Variants in GAK observed in about 807,000 individuals in gnomAD.
GAK encodes the protein cyclin-G-associated kinase.
A neutral mutation model predicts 143.9 loss-of-function variants in GAK; 79 were observed. That is an observed-to-expected ratio of 0.55 (90% confidence interval 0.46 to 0.66). GAK has a LOEUF of 0.66. Among genes scored for constraint, GAK ranks in the 30% least tolerant of loss-of-function variants. The probability of loss-of-function intolerance (pLI) is 0.00; values close to 1 mark genes in which losing one functional copy is unlikely to be tolerated. For missense variants in GAK, 1,693 were observed against 1,779.7 expected, an observed-to-expected ratio of 0.95 and a Z score of 0.88; for synonymous variants, 881 against 765.5, an observed-to-expected ratio of 1.15 and a Z score of -2.49.
At chr4:929,422 G>C (rs1238113656) in intron 1 of GAK, among the ~76,000 whole-genome samples, 1 of 152,132 alleles carries the variant, frequency 6.6e-6, no homozygotes, top group Non-Finnish European at 1.5e-5. Context: ...AGGGAAGGTG[G>C]ATTTCCCTGC....
At chr4:917,941 C>A (rs545270364) in intron 1 of GAK, among the ~76,000 whole-genome samples, 5 of 152,220 alleles carry the variant, frequency 3.3e-5, no homozygotes, top group Non-Finnish European at 7.3e-5. Context: ...GAAGAAATCA[C>A]AACAAGCTTA....
chr4:915,766 T>C (rs920910680), intron 1 of GAK: 1 of 152,232 alleles, frequency 6.6e-6, no homozygotes, highest in African/African-American at 2.4e-5. Flanking sequence ...CTGCATTTCG[T>C]GGTGCAATGT....
chr4:852,240 C>G (rs1209932738), intron 24 of GAK: 9 of 551,042 alleles, frequency 1.6e-5, no homozygotes, highest in Non-Finnish European at 2.6e-5. Context: ...CAGCACCCCA[C>G]CCCCAGGAGC....
intron 11 of GAK, 84 bp from the exon 12 acceptor site, chr4:884,170 T>A: frequency 8.0e-7 from 1 of 1,250,702 alleles, no homozygotes; most frequent in Non-Finnish European, 1.2e-6. Flanking sequence ...GCCCGAGGCC[T>A]GGAGAAGCCG....
intron 1 of GAK, among the ~76,000 whole-genome samples, chr4:923,681 AGGGAGTGGAGGGGTG>A (rs1331111469): frequency 2.6e-5 from 4 of 152,054 alleles, no homozygotes; most frequent in South Asian, 2.1e-4. Context: ...TCTCAAGGGC[AGGGAGTGGAGGGGTG>A]GGGAGTGGAG....
chr4:911,134 T>C (rs995829747), intron 4 of GAK, among the ~76,000 whole-genome samples: 2 of 152,152 alleles, frequency 1.3e-5, no homozygotes, highest in African/African-American at 4.8e-5. Flanking sequence ...GCCATCTTCC[T>C]GGGCTCAACC....
chr4:927,155 T>A (rs1249917739), intron 1 of GAK, among the ~76,000 whole-genome samples: 4 of 65,900 alleles, frequency 6.1e-5, no homozygotes, highest in Admixed American at 1.5e-4. Flanking sequence ...CCGGCTCACC[T>A]GCGCTCCGCA....
chr4:870,206 G>A (rs1712245689), intron 19 of GAK, among the ~76,000 whole-genome samples: 1 of 152,198 alleles, frequency 6.6e-6, no homozygotes, highest in African/African-American at 2.4e-5. Flanking sequence ...AGCAAACACT[G>A]CAAACCAAGA....
intron 3 of GAK, chr4:912,118 G>A: frequency 2.2e-6 from 1 of 463,572 alleles, no homozygotes; most frequent in South Asian, 1.5e-5. Flanking sequence ...CTGCGGCGTG[G>A]CTGTGTCCAC....
rs1715746660 is a variant in GAK at position 884,101 on chromosome 4, AAG to A, written c.1206-17_1206-16del. 1 of 1,611,812 alleles carries A rather than the reference AAG, an allele frequency of 6.2e-7. No individual in the cohort carries two copies. The highest frequency in any genetic ancestry group is 1.3e-5 in the African/African-American group (1 of 74,902). ...CCTTTGCATAACTGGAATTAAAAAGAAGAGAACTTGGTTATGACAAGAAACAC... is the reference window on the plus strand; with the variant it reads ...CCTTTGCATAACTGGAATTAAAAAGAAGAACTTGGTTATGACAAGAAACAC... On this transcript the variant is annotated splice_polypyrimidine_tract_variant and intron_variant, in intron 11 of 27. Transcript: ENST00000314167.
chr4:913,746 G>C, intron 1 of GAK, 78 bp from the exon 2 acceptor site: 2 of 1,216,242 alleles, frequency 1.6e-6, no homozygotes, highest in South Asian at 2.4e-5. Flanking sequence ...CCTTCACTAA[G>C]TAAAATACAA....
At position 888,979 on chromosome 4, in the gene GAK, A is replaced by G; in HGVS notation, c.1082-9T>C. 1 of 1,609,124 alleles carries G rather than the reference A, an allele frequency of 6.2e-7. No homozygotes were observed. The highest frequency in any genetic ancestry group is 8.5e-7 in the Non-Finnish European group (1 of 1,179,022). ...CTCCGCCAGCGCCAGGCCTGCAGGGAGACACAGTCTCAGCAGGCCCCAGGT... is the reference window on the plus strand; with the variant it reads ...CTCCGCCAGCGCCAGGCCTGCAGGGGGACACAGTCTCAGCAGGCCCCAGGT... On this transcript the variant is annotated splice_polypyrimidine_tract_variant and intron_variant, in intron 10 of 27. Coordinates refer to ENST00000314167, the MANE Select transcript of GAK (RefSeq NM_005255.4).
intron 18 of GAK, among the ~76,000 whole-genome samples, chr4:871,945 G>T (rs1254018781): frequency 6.6e-6 from 1 of 152,200 alleles, no homozygotes; most frequent in Non-Finnish European, 1.5e-5. Context: ...ATCTCTACAT[G>T]TTGAATGTTA....
chr4:931,162 G>A (rs1207011348), intron 1 of GAK, among the ~76,000 whole-genome samples: 1 of 152,216 alleles, frequency 6.6e-6, no homozygotes, highest in East Asian at 1.9e-4. Context: ...ACTGGTGATC[G>A]ATTCCGTGTG....
At chr4:881,691 C>T (rs1042097995) in intron 15 of GAK, among the ~76,000 whole-genome samples, 1 of 152,246 alleles carries the variant, frequency 6.6e-6, no homozygotes, top group Admixed American at 6.5e-5. Context: ...GGTGCTGCCC[C>T]ACAGCAGTCA....
chr4:869,075 C>T (rs1228120472), intron 19 of GAK: 1 of 236,666 alleles, frequency 4.2e-6, no homozygotes, highest in South Asian at 5.3e-5. Context: ...ATGCAGGGTA[C>T]ACACGAATGC....
Position 868,589 on chromosome 4 carries a change from G to C in GAK, c.2345C>G (p.Pro782Arg). 6.2e-7 allele frequency: 1 copy of C among 1,604,304 alleles called. No individual in the cohort carries two copies. Among genetic ancestry groups the C allele is most frequent in the South Asian group, 1.1e-5 (1 of 89,426 alleles). Residue 782 changes from proline (P) to arginine (R), a missense_variant, in exon 20 of 28, where the codon CCA becomes CGA. This residue lies in a region of GAK where 822 missense variants were observed against 788.7 expected (regional missense o/e 1.04). Transcript: ENST00000314167. ...GCGACTGGCGTCCGCGCTGCTGCTT[G>C]GCGGTGAGTCAGAGTCTGTGGGTTC... ...EAEPTDSDSP[P>R]SSSADASRFL... is the part of the protein sequence containing the mutation.
chr4:850,884 G>C, intron 26 of GAK, 52 bp downstream of exon 26: 3 of 1,582,470 alleles, frequency 1.9e-6, no homozygotes, highest in Non-Finnish European at 1.7e-6. Context: ...ATGCTCCAGG[G>C]GCCATGGGTT....
At chr4:916,474 A>T (rs1225403931) in intron 1 of GAK, among the ~76,000 whole-genome samples, 1 of 152,202 alleles carries the variant, frequency 6.6e-6, no homozygotes, top group East Asian at 1.9e-4. Flanking sequence ...AGGCGGGTCT[A>T]GCCTCCCAAA....
Sources: gnomAD v4.1 joint callset for allele counts (sites outside exome capture counted in the v4.1 genomes callset) on GRCh38, gnomAD v4.1.1 for gene constraint, gnomAD v4.1.1 regional missense constraint, MANE v1.5 for transcripts, NCBI Gene and HGNC (gene_info 2026-07-23, HGNC 2026-07-21) for gene names.